LMX1A: variants seen among roughly 807,000 people sequenced by gnomAD.
LMX1A encodes the protein LIM homeobox transcription factor 1-alpha.
Under a neutral mutation model 49.1 loss-of-function variants are expected in LMX1A, and 15 were observed. The observed-to-expected ratio is 0.31, with a 90% CI of 0.20 to 0.47. The LOEUF (loss-of-function observed/expected upper bound fraction) is 0.47, where lower values mean the gene tolerates loss of function less well. LMX1A is among the 20% of genes least tolerant of loss of function. The pLI, the probability that LMX1A is intolerant of heterozygous loss-of-function variation, is 1.00. For synonymous variants in LMX1A, 167 were observed against 185.7 expected (o/e 0.90, Z 0.82); for missense variants, 372 against 475.8 (o/e 0.78, Z 2.03).
chr1:165,206,027 T>G lies in LMX1A; in HGVS notation c.825A>C (p.Thr275=). 6.4e-7 allele frequency: 1 copy of G among 1,553,620 alleles called. No individual in the cohort carries two copies. The highest frequency in any genetic ancestry group is 2.3e-5 in the East Asian group (1 of 42,628). Residue 275 remains threonine, a synonymous_variant, in exon 8 of 9, where the codon ACA becomes ACC. Coordinates refer to ENST00000342310, the MANE Select transcript of LMX1A (RefSeq NM_177398.4). The part of the protein sequence containing the change: ...QNTQRLSSAQ[T]NGGGSAGMEG... ...CCATCCCAGCACTCCCACCACCGTT[T>G]GTCTGAGCTGTGGAACAAAGAAGAA...
intron 3 of LMX1A, among the ~76,000 whole-genome samples, chr1:165,298,920 A>C (rs1325270617): frequency 1.3e-5 from 2 of 152,256 alleles, no homozygotes; most frequent in African/African-American, 4.8e-5. Context: ...ATGTGAGAAG[A>C]GATCAAATAC....
chr1:165,223,583 C>A (rs1403374198), intron 4 of LMX1A, among the ~76,000 whole-genome samples: 1 of 152,226 alleles, frequency 6.6e-6, no homozygotes, highest in African/African-American at 2.4e-5. Context: ...ATTCACAGTT[C>A]TGTGCTAACA....
At chr1:165,312,943 C>T (rs1655116268) in intron 3 of LMX1A, among the ~76,000 whole-genome samples, 1 of 152,070 alleles carries the variant, frequency 6.6e-6, no homozygotes, top group South Asian at 2.1e-4. Context: ...GGAATGGAAC[C>T]AAATATAAAG....
At chr1:165,290,662 A>C (rs544427575) in intron 3 of LMX1A, among the ~76,000 whole-genome samples, 121 of 152,248 alleles carry the variant, frequency 7.9e-4, no homozygotes, top group Non-Finnish European at 1.6e-3. Flanking sequence ...TGCTGAGAAC[A>C]TAGCAGATAA....
At chr1:165,261,736 C>A (rs925517993) in intron 3 of LMX1A, among the ~76,000 whole-genome samples, 5 of 152,094 alleles carry the variant, frequency 3.3e-5, no homozygotes, top group Admixed American at 3.3e-4. Flanking sequence ...ACATACACTA[C>A]AACATAATGA....
intron 3 of LMX1A, among the ~76,000 whole-genome samples, chr1:165,299,971 C>A (rs1277718409): frequency 6.6e-6 from 1 of 152,082 alleles, no homozygotes; most frequent in Non-Finnish European, 1.5e-5. Flanking sequence ...ACTATAGGGT[C>A]ACTGTTTCTG....
At position 165,203,860 on chromosome 1, in the gene LMX1A, A is replaced by C. The variant is rs777778247; in HGVS notation, c.*20T>G. 1 of 1,611,882 alleles carries C rather than the reference A, an allele frequency of 6.2e-7. No homozygotes were observed. The highest frequency in any genetic ancestry group is 1.3e-5 in the African/African-American group (1 of 74,836). ...GGTTGTTCCATATGGGAGCCTAGTCACAGAACTCTAGGGGAAGACTCAAGA... is the reference window on the plus strand; with the variant it reads ...GGTTGTTCCATATGGGAGCCTAGTCCCAGAACTCTAGGGGAAGACTCAAGA... On this transcript the variant is annotated 3_prime_UTR_variant, in exon 9 of 9. Transcript: ENST00000342310.
chr1:165,250,066 G>A (rs1179088172), intron 3 of LMX1A, among the ~76,000 whole-genome samples: 1 of 151,904 alleles, frequency 6.6e-6, no homozygotes, highest in East Asian at 1.9e-4. Flanking sequence ...AACACACTCT[G>A]GGGCCTGTCA....
At chr1:165,236,483 C>T (rs989727482) in intron 4 of LMX1A, among the ~76,000 whole-genome samples, 6 of 151,988 alleles carry the variant, frequency 3.9e-5, no homozygotes, top group African/African-American at 7.3e-5. Flanking sequence ...ATTTGCATTT[C>T]CAATAAACAA....
chr1:165,233,033 T>C (rs1157331969), intron 4 of LMX1A, among the ~76,000 whole-genome samples: 1 of 152,160 alleles, frequency 6.6e-6, no homozygotes, highest in Non-Finnish European at 1.5e-5. Context: ...TATTGCACCC[T>C]TACTTTGTGC....
intron 4 of LMX1A, among the ~76,000 whole-genome samples, chr1:165,236,780 A>T (rs1242167086): frequency 7.8e-3 from 2 of 258 alleles, no homozygotes; most frequent in African/African-American, 0.021. Flanking sequence ...GAAGCTTTAA[A>T]AAAAAAAAAA....
At chr1:165,319,646 T>C (rs1310293952) in intron 3 of LMX1A, among the ~76,000 whole-genome samples, 1 of 152,136 alleles carries the variant, frequency 6.6e-6, no homozygotes, top group Non-Finnish European at 1.5e-5. Flanking sequence ...GAGAAAACAT[T>C]AACAATATAA....
At chr1:165,257,064 A>T (rs1302760878) in intron 3 of LMX1A, among the ~76,000 whole-genome samples, 1 of 152,198 alleles carries the variant, frequency 6.6e-6, no homozygotes, top group African/African-American at 2.4e-5. Context: ...GGGCTTGTGG[A>T]GGACAGGAAA....
At chr1:165,333,729 T>TAC (rs1029324190) in intron 3 of LMX1A, among the ~76,000 whole-genome samples, 6 of 152,078 alleles carry the variant, frequency 3.9e-5, no homozygotes, top group Non-Finnish European at 8.8e-5. Context: ...ACATTGTTTA[T>TAC]ACACACACAC....
chr1:165,294,319 C>T (rs1371047859), intron 3 of LMX1A, among the ~76,000 whole-genome samples: 1 of 152,228 alleles, frequency 6.6e-6, no homozygotes, highest in African/African-American at 2.4e-5. Context: ...ACTAACTCAA[C>T]CATACTTGAT....
At chr1:165,276,844 T>C (rs978518930) in intron 3 of LMX1A, among the ~76,000 whole-genome samples, 5 of 152,200 alleles carry the variant, frequency 3.3e-5, no homozygotes, top group African/African-American at 1.2e-4. Context: ...TACATGTAAC[T>C]GGACATTGTT....
At chr1:165,250,915 G>A (rs759156331) in intron 3 of LMX1A, among the ~76,000 whole-genome samples, 3 of 152,142 alleles carry the variant, frequency 2.0e-5, no homozygotes, top group African/African-American at 4.8e-5. Context: ...AACAGCCTGT[G>A]TGAAGGCCTG....
intron 3 of LMX1A, among the ~76,000 whole-genome samples, chr1:165,311,300 A>G (rs1655070057): frequency 6.6e-6 from 1 of 152,228 alleles, no homozygotes; most frequent in Non-Finnish European, 1.5e-5. Flanking sequence ...TCCCATCTGT[A>G]AAAAGAATCT....
chr1:165,350,527 G>A (rs1255465853), intron 3 of LMX1A, among the ~76,000 whole-genome samples: 1 of 143,892 alleles, frequency 6.9e-6, no homozygotes, highest in Non-Finnish European at 1.5e-5. Context: ...AAAGAAGTTT[G>A]TCCTGAGCCT....
Sources: gnomAD v4.1 joint callset for allele counts (sites outside exome capture counted in the v4.1 genomes callset) on GRCh38, gnomAD v4.1.1 for gene constraint, MANE v1.5 for transcripts, NCBI Gene and HGNC (gene_info 2026-07-23, HGNC 2026-07-21) for gene names.